NAALADL2: variants seen among roughly 807,000 people sequenced by gnomAD.
NAALADL2 encodes the protein inactive N-acetylated-alpha-linked acidic dipeptidase-like protein 2.
NAALADL2 carries 76 observed loss-of-function variants against 87.2 expected under a neutral mutation model. The ratio of observed to expected loss-of-function variants is 0.87; its 90% CI spans 0.72 to 1.05. The LOEUF is 1.05. Among genes scored for constraint, NAALADL2 ranks in the 50% least tolerant of loss-of-function variants. The pLI is 0.00. For missense variants in NAALADL2, 1,089 were observed against 945.8 expected (o/e 1.15, Z -1.99); for synonymous variants, 354 against 331.0 (o/e 1.07, Z -0.75).
At chr3:175,677,365 A>T (rs914063846) in intron 11 of NAALADL2, among the ~76,000 whole-genome samples, 6 of 152,108 alleles carry the variant, frequency 3.9e-5, no homozygotes, top group East Asian at 1.9e-4. Context: ...CTGTCAAAAA[A>T]AAAAATAAAT....
intron 2 of NAALADL2, among the ~76,000 whole-genome samples, chr3:174,708,095 G>T (rs961082620): frequency 1.3e-5 from 2 of 152,046 alleles, no homozygotes; most frequent in Non-Finnish European, 2.9e-5. Context: ...TAGCCAATTT[G>T]CCAACAATTG....
At chr3:175,287,958 T>C (rs1755182832) in intron 4 of NAALADL2, among the ~76,000 whole-genome samples, 1 of 152,226 alleles carries the variant, frequency 6.6e-6, no homozygotes, top group African/African-American at 2.4e-5. Context: ...GTTAACTCTC[T>C]AATTATTTGT....
chr3:175,174,917 T>G (rs1735486866), intron 2 of NAALADL2, among the ~76,000 whole-genome samples: 1 of 152,064 alleles, frequency 6.6e-6, no homozygotes, highest in Admixed American at 6.6e-5. Flanking sequence ...ATTTAACTTT[T>G]GACCATTAAT....
intron 2 of NAALADL2, among the ~76,000 whole-genome samples, chr3:175,210,264 A>G: frequency 6.6e-6 from 1 of 151,962 alleles, no homozygotes; most frequent in East Asian, 1.9e-4. Flanking sequence ...ATGTTATGGT[A>G]TATTATAAAG....
At chr3:175,013,060 C>CATATTTATATATAAATATGTAAT in intron 1 of NAALADL2, among the ~76,000 whole-genome samples, 1 of 12,338 alleles carries the variant, frequency 8.1e-5, no homozygotes, top group Non-Finnish European at 2.3e-4. Context: ...TAAATATATA[C>CATATTTATATATAAATATGTAAT]ACATATATAT....
At chr3:175,610,391 C>T (rs1464577810) in intron 10 of NAALADL2, among the ~76,000 whole-genome samples, 2 of 151,876 alleles carry the variant, frequency 1.3e-5, no homozygotes, top group Non-Finnish European at 2.9e-5. Context: ...AGATAATGAC[C>T]TGTAGCATAA....
chr3:175,404,985 A>C (rs1712050288), intron 5 of NAALADL2, among the ~76,000 whole-genome samples: 1 of 152,122 alleles, frequency 6.6e-6, no homozygotes, highest in East Asian at 1.9e-4. Context: ...AGATGACTTG[A>C]AATAGAAATG....
intron 10 of NAALADL2, among the ~76,000 whole-genome samples, chr3:175,581,809 T>C (rs573935773): frequency 6.6e-6 from 1 of 152,308 alleles, no homozygotes; most frequent in Admixed American, 6.5e-5. Flanking sequence ...GGAATGCTTA[T>C]TTGAGGAAAT....
intron 4 of NAALADL2, 146 bp from the exon 5 acceptor site, chr3:175,324,029 A>C (rs1760332719): frequency 8.6e-6 from 2 of 233,750 alleles, no homozygotes; most frequent in African/African-American, 3.4e-5. Flanking sequence ...AAAAACAAAC[A>C]AAAAAAAAAA....
At chr3:175,348,819 C>T (rs1017480998) in intron 5 of NAALADL2, among the ~76,000 whole-genome samples, 17 of 152,200 alleles carry the variant, frequency 1.1e-4, no homozygotes, top group African/African-American at 3.4e-4. Flanking sequence ...GGTAGGACTT[C>T]GACACACCGT....
chr3:175,121,178 T>C (rs998558546), intron 2 of NAALADL2, among the ~76,000 whole-genome samples: 1 of 151,930 alleles, frequency 6.6e-6, no homozygotes, highest in Non-Finnish European at 1.5e-5. Context: ...ATTTACTTTA[T>C]GCTTGTTTGA....
Position 175,010,493 on chromosome 3 carries a change from G to T in NAALADL2, c.44-86297G>T, listed in dbSNP as rs545977349. Among the ~76,000 whole-genome samples, 3 of 152,106 alleles carry T rather than the reference G, an allele frequency of 2.0e-5. No individual in the cohort carries two copies. The South Asian group carries it at 6.2e-4, about 32-fold the overall frequency. On this transcript the variant is annotated intron_variant, in intron 1 of 13. Transcript: ENST00000454872. The stretch of plus-strand genomic sequence containing the variant: ...GTTACTGCTTCCAAATGTTTGTTTT[G>T]GCAGCAAAATTATCTTAATATAACT...
intron 3 of NAALADL2, among the ~76,000 whole-genome samples, chr3:174,738,145 C>T (rs1455872540): frequency 6.6e-6 from 1 of 152,202 alleles, no homozygotes; most frequent in African/African-American, 2.4e-5. Flanking sequence ...CATGATACCA[C>T]ATGGCTTGCA....
chr3:175,709,060 T>C (rs143749891), intron 11 of NAALADL2, among the ~76,000 whole-genome samples: 98 of 152,168 alleles, frequency 6.4e-4, no homozygotes, highest in African/African-American at 2.2e-3. Context: ...GGGTGACTCT[T>C]ATCATTCAAG....
At chr3:175,575,587 T>G (rs1350934302) in intron 9 of NAALADL2, among the ~76,000 whole-genome samples, 1 of 152,124 alleles carries the variant, frequency 6.6e-6, no homozygotes, top group East Asian at 1.9e-4. Context: ...GCCCGGCCTC[T>G]TCTCTAGTTT....
chr3:175,379,192 T>TC (rs1491105222), intron 5 of NAALADL2, among the ~76,000 whole-genome samples: 5 of 36,910 alleles, frequency 1.4e-4, no homozygotes, highest in East Asian at 1.3e-3. Context: ...TTCCTCTCTC[T>TC]TTTTTTTTTT....
At chr3:174,863,587 AAC>A (rs1051687447) in intron 1 of NAALADL2, among the ~76,000 whole-genome samples, 2 of 150,826 alleles carry the variant, frequency 1.3e-5, no homozygotes, top group African/African-American at 4.8e-5. Flanking sequence ...AGAAAAAAAA[AAC>A]AACTCTAGGC....
chr3:174,647,918 T>C (rs1044796756), intron 2 of NAALADL2, among the ~76,000 whole-genome samples: 23 of 152,154 alleles, frequency 1.5e-4, no homozygotes, highest in African/African-American at 5.3e-4. Flanking sequence ...AAGGAAGGGT[T>C]GGAAGCAAAA....
At chr3:175,670,422 TA>T (rs1733789693) in intron 11 of NAALADL2, among the ~76,000 whole-genome samples, 1 of 145,936 alleles carries the variant, frequency 6.9e-6, no homozygotes, top group Non-Finnish European at 1.5e-5. Context: ...AATGTAAATT[TA>T]ATATATTTAT....
Sources: allele counts gnomAD v4.1 joint callset (sites outside exome capture counted in the v4.1 genomes callset), GRCh38; gene constraint gnomAD v4.1.1; transcripts MANE v1.5; gene names NCBI Gene and HGNC (gene_info 2026-07-23, HGNC 2026-07-21).